Variants in SYN3 observed in about 807,000 individuals in gnomAD.
The protein encoded by SYN3 is synapsin-3.
A neutral mutation model predicts 65.8 loss-of-function variants in SYN3; 35 were observed. The ratio of observed to expected loss-of-function variants is 0.53; its 90% CI spans 0.41 to 0.70. The LOEUF (loss-of-function observed/expected upper bound fraction) is 0.70. Ranked by LOEUF, SYN3 falls within the 30% of genes least tolerant of loss-of-function variation. SYN3 has a pLI of 0.00. For synonymous variants in SYN3, 270 were observed against 292.9 expected (o/e 0.92, Z 0.80); for missense variants, 680 against 749.0 (o/e 0.91, Z 1.08).
At chr22:33,006,940 T>C (rs1239971882) in intron 1 of SYN3, 116 bp from the exon 2 acceptor site, 2 of 312,142 alleles carry the variant, frequency 6.4e-6, no homozygotes, top group Non-Finnish European at 1.2e-5. Context: ...GACATCCTTC[T>C]GGAAAGGAAT....
intron 4 of SYN3, among the ~76,000 whole-genome samples, chr22:32,909,196 G>A (rs2049982132): frequency 6.6e-6 from 1 of 152,278 alleles, no homozygotes; most frequent in Admixed American, 6.5e-5. Flanking sequence ...ATACACCTGG[G>A]TTCATACTCC....
In SYN3 at chr22:32,562,364, C is replaced by G. The variant is rs74410921; in HGVS notation, c.775-20651G>C. Among the ~76,000 whole-genome samples, 445 of 152,360 alleles carry G rather than the reference C, an allele frequency of 2.9e-3. 1 individual carries two copies. The highest frequency in any genetic ancestry group is 0.014 in the South Asian group (66 of 4,824). On this transcript the variant is annotated intron_variant, in intron 7 of 13. Transcript: ENST00000358763. ...CTCCTCCAGAGCTCATTAAGGTTTGCTTTTCCCTTGCTCAAAGTGATCCTT... is the reference window on the plus strand; with the variant it reads ...CTCCTCCAGAGCTCATTAAGGTTTGGTTTTCCCTTGCTCAAAGTGATCCTT...
At chr22:32,771,054 C>A (rs1315910485) in intron 6 of SYN3, among the ~76,000 whole-genome samples, 1 of 152,024 alleles carries the variant, frequency 6.6e-6, no homozygotes, top group Non-Finnish European at 1.5e-5. Context: ...GCTCTCCCTC[C>A]CCTTGCCCCT....
chr22:32,880,144 G>A (rs1319531656), intron 4 of SYN3, among the ~76,000 whole-genome samples: 3 of 152,210 alleles, frequency 2.0e-5, no homozygotes, highest in Non-Finnish European at 2.9e-5. Flanking sequence ...TGGTTTGTAA[G>A]AATCACGATT....
At chr22:32,990,796 C>T (rs1180109650) in intron 2 of SYN3, among the ~76,000 whole-genome samples, 1 of 152,100 alleles carries the variant, frequency 6.6e-6, no homozygotes, top group East Asian at 1.9e-4. Context: ...GCCTGTAATC[C>T]CAGTACTTTG....
intron 6 of SYN3, among the ~76,000 whole-genome samples, chr22:32,807,373 TATATA>T (rs1191356737): frequency 8.0e-5 from 9 of 112,196 alleles, no homozygotes; most frequent in African/African-American, 2.3e-4. Flanking sequence ...ATATATATTA[TATATA>T]ATATATATTA....
At chr22:33,002,512 C>T (rs543802999) in intron 2 of SYN3, among the ~76,000 whole-genome samples, 277 of 152,112 alleles carry the variant, frequency 1.8e-3, no homozygotes, top group South Asian at 2.7e-3. Flanking sequence ...GGCGTGGTGG[C>T]GCCTGCCTGT....
chr22:32,656,880 G>C (rs979229450), intron 6 of SYN3, among the ~76,000 whole-genome samples: 4 of 152,130 alleles, frequency 2.6e-5, no homozygotes, highest in Non-Finnish European at 4.4e-5. Flanking sequence ...AGGGAGACAG[G>C]GAGAGAGGGG....
intron 1 of SYN3, among the ~76,000 whole-genome samples, chr22:33,057,282 G>A (rs997207570): frequency 6.6e-6 from 1 of 152,152 alleles, no homozygotes; most frequent in African/African-American, 2.4e-5. Flanking sequence ...ATATTCTAAG[G>A]CTGCACTTTA....
intron 6 of SYN3, among the ~76,000 whole-genome samples, chr22:32,626,898 C>T (rs1207906536): frequency 6.6e-6 from 1 of 152,130 alleles, no homozygotes; most frequent in African/African-American, 2.4e-5. Flanking sequence ...TAGAACTGAC[C>T]TCGTAAAATG....
At chr22:32,783,067 T>C (rs1000379621) in intron 6 of SYN3, 1 of 152,202 alleles carries the variant, frequency 6.6e-6, no homozygotes, top group Non-Finnish European at 1.5e-5. Context: ...AGGTACTTAA[T>C]CTTAGTCCAC....
intron 6 of SYN3, among the ~76,000 whole-genome samples, chr22:32,676,206 T>C (rs2060438964): frequency 6.6e-6 from 1 of 152,232 alleles, no homozygotes; most frequent in Non-Finnish European, 1.5e-5. Context: ...TGTGTCCACT[T>C]GCAGAGAAGT....
intron 6 of SYN3, among the ~76,000 whole-genome samples, chr22:32,650,392 G>A (rs1454872437): frequency 2.0e-5 from 3 of 151,556 alleles, no homozygotes; most frequent in Non-Finnish European, 2.9e-5. Flanking sequence ...TCAGCCTCCC[G>A]AGTAGCTGGT....
At chr22:32,569,257 A>ATCTATCTATCTATCTATCTG (rs1555898445) in intron 7 of SYN3, among the ~76,000 whole-genome samples, 832 of 12,084 alleles carry the variant, frequency 0.069, 12 homozygotes, top group South Asian at 0.22. Context: ...TGCATCCAAA[A>ATCTATCTATCTATCTATCTG]TCTATCTATC....
intron 6 of SYN3, among the ~76,000 whole-genome samples, chr22:32,617,464 ATCTTTTTTTT>A (rs1396625148): frequency 2.0e-5 from 3 of 149,538 alleles, no homozygotes; most frequent in South Asian, 2.1e-4. Context: ...TCCATGACAC[ATCTTTTTTTT>A]TCTTTTTTTT....
chr22:32,858,117 T>C (rs1254646126), intron 6 of SYN3: 1 of 1,614,094 alleles, frequency 6.2e-7, no homozygotes, highest in East Asian at 2.2e-5. Flanking sequence ...ACTATCGGTA[T>C]CACCTGGGTT....
chr22:32,781,685 A>ATAT (rs565782373), intron 6 of SYN3, among the ~76,000 whole-genome samples: 1 of 150,252 alleles, frequency 6.7e-6, no homozygotes, highest in Non-Finnish European at 1.5e-5. Context: ...ATTATTATTA[A>ATAT]TATTATTATT....
chr22:32,563,026 G>A (rs112352202), intron 7 of SYN3, among the ~76,000 whole-genome samples: 2,353 of 152,346 alleles, frequency 0.015, 28 homozygotes, highest in Middle Eastern at 0.037. Flanking sequence ...CAAGCATAGG[G>A]TATAAAAGTA....
intron 6 of SYN3, among the ~76,000 whole-genome samples, chr22:32,659,329 A>T (rs1391600587): frequency 6.6e-6 from 1 of 152,204 alleles, no homozygotes; most frequent in African/African-American, 2.4e-5. Context: ...AGCCACGAAG[A>T]GTGTGCTGGG....
Sources: gnomAD v4.1 joint callset for allele counts (sites outside exome capture counted in the v4.1 genomes callset) on GRCh38, gnomAD v4.1.1 for gene constraint, MANE v1.5 for transcripts, NCBI Gene and HGNC (gene_info 2026-07-23, HGNC 2026-07-21) for gene names.